PTPRT: variants seen among roughly 807,000 people sequenced by gnomAD.
PTPRT encodes the protein receptor-type tyrosine-protein phosphatase T.
PTPRT carries 56 observed loss-of-function variants against 176.8 expected under a neutral mutation model. The observed-to-expected ratio is 0.32, with a 90% CI of 0.26 to 0.40. PTPRT has a LOEUF of 0.40. Among genes scored for constraint, PTPRT ranks in the 10% least tolerant of loss-of-function variants. The probability of loss-of-function intolerance (pLI) is 1.00; values close to 1 mark genes in which losing one functional copy is unlikely to be tolerated. For missense variants in PTPRT, 1,540 were observed against 1,908.2 expected, an observed-to-expected ratio of 0.81 and a Z score of 3.60; for synonymous variants, 783 against 739.0, an observed-to-expected ratio of 1.06 and a Z score of -0.96.
intron 7 of PTPRT, among the ~76,000 whole-genome samples, chr20:42,641,388 A>T (rs2074746272): frequency 6.6e-6 from 1 of 152,158 alleles, no homozygotes; most frequent in African/African-American, 2.4e-5. Context: ...AGAGTATAGG[A>T]TATATTGAAG....
chr20:43,044,590 C>T (rs1986759789), intron 1 of PTPRT, among the ~76,000 whole-genome samples: 2 of 152,162 alleles, frequency 1.3e-5, no homozygotes, highest in South Asian at 4.1e-4. Context: ...TCAGCACCTC[C>T]CTGCCGCATG....
At chr20:42,748,072 G>A (rs989805012) in intron 6 of PTPRT, among the ~76,000 whole-genome samples, 1 of 151,872 alleles carries the variant, frequency 6.6e-6, no homozygotes, top group African/African-American at 2.4e-5. Context: ...AGTTTTATTG[G>A]CACATAACCC....
intron 1 of PTPRT, among the ~76,000 whole-genome samples, chr20:43,163,604 C>T (rs1600762657): frequency 6.6e-6 from 1 of 151,876 alleles, no homozygotes; most frequent in South Asian, 2.1e-4. Context: ...TGCCACTGCA[C>T]TCCAGCCTGG....
At chr20:42,375,004 C>T (rs1407390427) in intron 9 of PTPRT, among the ~76,000 whole-genome samples, 5 of 152,132 alleles carry the variant, frequency 3.3e-5, no homozygotes, top group Admixed American at 3.3e-4. Flanking sequence ...CCAGAAATTC[C>T]ACCAGGATTA....
chr20:42,312,832 G>A (rs2057656581), intron 12 of PTPRT, among the ~76,000 whole-genome samples: 1 of 125,258 alleles, frequency 8.0e-6, no homozygotes, highest in Non-Finnish European at 1.6e-5. Flanking sequence ...TTTCCTCTAT[G>A]GCAAATCCCT....
chr20:42,161,456 A>G lies in PTPRT; in HGVS notation c.2578T>C (p.Tyr860His), dbSNP rs767383329. 1 of 1,613,980 alleles carries G rather than the reference A, an allele frequency of 6.2e-7. No homozygotes were observed. Among genetic ancestry groups the G allele is most frequent in the African/African-American group, 1.3e-5 (1 of 74,910 alleles). ...YRTCDPVEMS[Y>H]PRDQFQPAIR... is the part of the protein sequence containing the mutation. ...GCGGGTTGGAACTGGTCCCGGGGGT[A>G]GCTCATCTCCACAGGGTCACAGGTG... Residue 860 changes from tyrosine to histidine, a missense_variant, in exon 17 of 31, where the codon TAC becomes CAC. Around this residue, in one of 11 missense-constraint regions of PTPRT, gnomAD observed 255 missense variants for 250.1 expected, o/e 1.02. Transcript: ENST00000373187.
chr20:42,785,768 T>C (rs3092043), intron 3 of PTPRT, among the ~76,000 whole-genome samples: 29,128 of 152,108 alleles, frequency 0.19, 2,936 homozygotes, highest in South Asian at 0.31. Flanking sequence ...TTAACAACAC[T>C]GGCTATTTCT....
chr20:42,756,409 C>T, intron 6 of PTPRT, 53 bp downstream of exon 6: 1 of 1,444,686 alleles, frequency 6.9e-7, no homozygotes. Context: ...GGCTTTAAGG[C>T]CCATTAATGC....
chr20:42,313,784 C>G (rs1166265235), intron 12 of PTPRT, among the ~76,000 whole-genome samples: 3 of 152,140 alleles, frequency 2.0e-5, no homozygotes, highest in Non-Finnish European at 4.4e-5. Flanking sequence ...GTGCTTCATG[C>G]AGCGGGAAGA....
chr20:42,539,070 T>C (rs558950403), intron 7 of PTPRT, among the ~76,000 whole-genome samples: 6 of 152,278 alleles, frequency 3.9e-5, no homozygotes, highest in African/African-American at 1.2e-4. Flanking sequence ...GTCTCTTCCA[T>C]TGGCAATGGG....
chr20:42,968,370 T>G (rs144916539), intron 1 of PTPRT, among the ~76,000 whole-genome samples: 78 of 152,316 alleles, frequency 5.1e-4, no homozygotes, highest in Middle Eastern at 3.4e-3. Context: ...ATCCCAGATC[T>G]TAGCCAGGCA....
At chr20:42,041,156 C>T in the PTPRT span, among the ~76,000 whole-genome samples, 1 of 152,154 alleles carries the variant, frequency 6.6e-6, no homozygotes. Flanking sequence ...CTCTGCTGTC[C>T]ATAGATTGCT....
chr20:42,504,949 C>T (rs1323846397), intron 7 of PTPRT, among the ~76,000 whole-genome samples: 1 of 152,142 alleles, frequency 6.6e-6, no homozygotes, highest in Non-Finnish European at 1.5e-5. Context: ...GAAATTTATG[C>T]ATGCAAATAG....
intron 13 of PTPRT, chr20:42,270,296 G>A: frequency 9.3e-7 from 1 of 1,073,562 alleles, no homozygotes; most frequent in Non-Finnish European, 1.4e-6. Context: ...GGGTGGGTGG[G>A]GTGGAAAGAC....
chr20:42,563,269 C>T (rs1367244741), intron 7 of PTPRT, among the ~76,000 whole-genome samples: 1 of 151,972 alleles, frequency 6.6e-6, no homozygotes, highest in South Asian at 2.1e-4. Flanking sequence ...ATATAAAGGT[C>T]CAATAAGCAA....
intron 1 of PTPRT, among the ~76,000 whole-genome samples, chr20:43,105,772 C>A (rs1312268086): frequency 6.6e-6 from 1 of 152,094 alleles, no homozygotes; most frequent in African/African-American, 2.4e-5. Flanking sequence ...TGCCAAAGGG[C>A]AAAGTAAAAA....
chr20:42,615,911 T>C (rs1284283083), intron 7 of PTPRT, among the ~76,000 whole-genome samples: 1 of 118,396 alleles, frequency 8.4e-6, no homozygotes, highest in East Asian at 2.0e-4. Context: ...GATGGTAGTT[T>C]CTTTTGCTGT....
chr20:42,883,750 ACC>A (rs2079051271), intron 2 of PTPRT, among the ~76,000 whole-genome samples: 1 of 8,470 alleles, frequency 1.2e-4, no homozygotes, highest in African/African-American at 5.9e-4. Flanking sequence ...TCTCACACAT[ACC>A]CATACACATG....
chr20:43,041,121 C>T (rs1003579108), intron 1 of PTPRT, among the ~76,000 whole-genome samples: 7 of 152,252 alleles, frequency 4.6e-5, no homozygotes, highest in East Asian at 3.9e-4. Flanking sequence ...AGTTTGAGAC[C>T]GTCTCCAATC....
Sources: gnomAD v4.1 joint callset for allele counts (sites outside exome capture counted in the v4.1 genomes callset) on GRCh38, gnomAD v4.1.1 for gene constraint, gnomAD v4.1.1 regional missense constraint, MANE v1.5 for transcripts, NCBI Gene and HGNC (gene_info 2026-07-23, HGNC 2026-07-21) for gene names.